UGGT2: variants seen among roughly 807,000 people sequenced by gnomAD.
The protein encoded by UGGT2 is UDP-glucose:glycoprotein glucosyltransferase 2.
A neutral mutation model predicts 192.1 loss-of-function variants in UGGT2; 180 were observed. That is an observed-to-expected ratio of 0.94 (90% CI 0.83 to 1.06). The LOEUF is 1.06. Among genes scored for constraint, UGGT2 ranks in the 50% least tolerant of loss-of-function variants. The pLI is 0.00. For synonymous variants in UGGT2, 580 were observed against 591.0 expected (o/e 0.98, Z 0.27); for missense variants, 1,849 against 1,795.7 (o/e 1.03, Z -0.54).
At chr13:95,850,017 T>A (rs1002255957) in intron 36 of UGGT2, among the ~76,000 whole-genome samples, 1 of 151,940 alleles carries the variant, frequency 6.6e-6, no homozygotes, top group Non-Finnish European at 1.5e-5. Flanking sequence ...TGTATACCTT[T>A]TATTTCCTTT....
At chr13:95,808,582 G>A (rs761868092) in intron 38 of UGGT2, among the ~76,000 whole-genome samples, 1 of 151,658 alleles carries the variant, frequency 6.6e-6, no homozygotes, top group Admixed American at 6.6e-5. Flanking sequence ...CTTCACATAT[G>A]TACCAAAAAT....
intron 27 of UGGT2, among the ~76,000 whole-genome samples, chr13:95,878,389 ACAT>A (rs2047400503): frequency 6.6e-6 from 1 of 152,184 alleles, no homozygotes; most frequent in South Asian, 2.1e-4. Context: ...ACTGATATAA[ACAT>A]CAACACACTG....
At chr13:95,895,780 A>G (rs1299634852) in intron 22 of UGGT2, among the ~76,000 whole-genome samples, 1 of 152,116 alleles carries the variant, frequency 6.6e-6, no homozygotes, top group African/African-American at 2.4e-5. Flanking sequence ...GAATTACTTT[A>G]TAAGAAAGCC....
At chr13:95,932,311 T>TTGTGTGTGTGTGTGTGTGTG (rs67135742) in intron 17 of UGGT2, among the ~76,000 whole-genome samples, 71 of 139,500 alleles carry the variant, frequency 5.1e-4, no homozygotes, top group Admixed American at 1.1e-3. Context: ...GGTATTTTAT[T>TTGTGTGTGTGTGTGTGTGTG]TGTGTGTGTG....
chr13:95,874,735 A>C (rs952603092), intron 29 of UGGT2, among the ~76,000 whole-genome samples: 1 of 149,932 alleles, frequency 6.7e-6, no homozygotes, highest in African/African-American at 2.5e-5. Context: ...TCTGTTGCCC[A>C]GCCTGGAGTG....
At chr13:95,850,117 T>C (rs927086965) in intron 36 of UGGT2, among the ~76,000 whole-genome samples, 5 of 152,292 alleles carry the variant, frequency 3.3e-5, no homozygotes, top group African/African-American at 1.2e-4. Flanking sequence ...TTGAGATCTT[T>C]TTTCTTTTCT....
intron 38 of UGGT2, among the ~76,000 whole-genome samples, chr13:95,806,985 C>A (rs1566530760): frequency 6.6e-6 from 1 of 152,132 alleles, no homozygotes; most frequent in East Asian, 1.9e-4. Context: ...ATACAGTTGA[C>A]CCCTGAATAA....
intron 15 of UGGT2, among the ~76,000 whole-genome samples, chr13:95,941,411 G>A (rs1860342253): frequency 6.6e-6 from 1 of 152,100 alleles, no homozygotes; most frequent in South Asian, 2.1e-4. Context: ...TTAGACTGAA[G>A]AGTTTCATTT....
At chr13:95,838,046 T>A (rs1887494030) in intron 36 of UGGT2, among the ~76,000 whole-genome samples, 1 of 152,178 alleles carries the variant, frequency 6.6e-6, no homozygotes, top group Non-Finnish European at 1.5e-5. Context: ...GGATTGTTTA[T>A]GCAGAAAATC....
At chr13:95,949,071 C>T (rs1162103995) in intron 13 of UGGT2, among the ~76,000 whole-genome samples, 1 of 152,154 alleles carries the variant, frequency 6.6e-6, no homozygotes, top group African/African-American at 2.4e-5. Flanking sequence ...GCCTCCCCAG[C>T]CATGCTGGGG....
intron 12 of UGGT2, among the ~76,000 whole-genome samples, chr13:95,950,477 A>C (rs1279618616): frequency 6.6e-6 from 1 of 151,414 alleles, no homozygotes; most frequent in Non-Finnish European, 1.5e-5. Context: ...TCTGGCACTG[A>C]GGATACCAGA....
intron 12 of UGGT2, among the ~76,000 whole-genome samples, chr13:95,962,383 A>C (rs996845417): frequency 6.6e-6 from 1 of 152,150 alleles, no homozygotes; most frequent in African/African-American, 2.4e-5. Context: ...GATATCATAT[A>C]AACAAAAAAG....
intron 36 of UGGT2, among the ~76,000 whole-genome samples, chr13:95,846,911 C>T (rs1482169792): frequency 1.3e-4 from 20 of 151,258 alleles, no homozygotes; most frequent in Admixed American, 1.3e-3. Context: ...TCATGTCTCA[C>T]ATTTCTATAT....
intron 16 of UGGT2, among the ~76,000 whole-genome samples, 171 bp from the exon 17 acceptor site, chr13:95,937,259 A>C (rs2049497247): frequency 1.3e-5 from 2 of 152,220 alleles, no homozygotes; most frequent in South Asian, 4.1e-4. Context: ...TTTACCTACA[A>C]GGAGTCAAAA....
At chr13:95,845,553 C>T (rs1888323963) in intron 36 of UGGT2, among the ~76,000 whole-genome samples, 1 of 151,726 alleles carries the variant, frequency 6.6e-6, no homozygotes, top group African/African-American at 2.4e-5. Context: ...AAAATGGAGT[C>T]TCCTATGTCT....
intron 10 of UGGT2, among the ~76,000 whole-genome samples, chr13:95,979,548 C>CAAAAA (rs57487353): frequency 0.013 from 1,256 of 98,804 alleles, 41 homozygotes; most frequent in Middle Eastern, 0.035. Context: ...GTCTCTTACG[C>CAAAAA]AAAAAAAAAA....
chr13:95,927,109 C>G lies in UGGT2; in HGVS notation c.2119G>C (p.Asp707His). ...ISTSVTADVE[D>H]FSTFFFLDSQ... ...TCCAAGAAAAAGAAAGTAGAGAAAT[C>G]TTCAACATCAGCAGTTACTGAAAAA... is the stretch of plus-strand genomic sequence containing the variant. The change falls in exon 19 of 39, where the codon GAT becomes CAT. Residue 707 changes from aspartate (D) to histidine (H), a missense_variant. By Grantham distance (81) the Asp-to-His change is moderately conservative (BLOSUM62 -1). Coordinates refer to ENST00000376747, the MANE Select transcript of UGGT2 (RefSeq NM_020121.4). 6.2e-7 allele frequency: 1 copy of G among 1,611,102 alleles called. No homozygotes were observed. The highest frequency in any genetic ancestry group is 1.3e-5 in the African/African-American group (1 of 74,844).
In UGGT2 at chr13:95,927,444, T is replaced by C. The variant is rs1440929961; in HGVS notation, c.1978-108A>G. ...CTTAATCAAAAATAAATAAGCAATT[T>C]AGAATTATTACAATACATTTTCTTT... is the stretch of plus-strand genomic sequence containing the variant. On this transcript the variant is annotated intron_variant, in intron 17 of 38. Coordinates refer to ENST00000376747, the MANE Select transcript of UGGT2 (RefSeq NM_020121.4). The C allele has an allele frequency of 5.3e-6, 5 of 940,140 alleles. No homozygotes were observed. In the East Asian group the frequency reaches 1.4e-4, roughly 26 times the overall value. The allele number at this position is 940,140 out of a possible 1,614,324, so 58.2% of individuals were successfully genotyped here.
intron 20 of UGGT2, among the ~76,000 whole-genome samples, chr13:95,914,612 T>TAAAAAAAAAAAA (rs146990164): frequency 3.7e-5 from 3 of 80,996 alleles, no homozygotes; most frequent in Admixed American, 1.7e-4. Flanking sequence ...CCATCTCTAC[T>TAAAAAAAAAAAA]AAAAAAAAAA....
Sources: allele counts gnomAD v4.1 joint callset (sites outside exome capture counted in the v4.1 genomes callset), GRCh38; gene constraint gnomAD v4.1.1; transcripts MANE v1.5; gene names NCBI Gene and HGNC (gene_info 2026-07-23, HGNC 2026-07-21).